The following TTC23L variants were observed in gnomAD, a reference collection of about 807,000 sequenced individuals.
TTC23L encodes the protein tetratricopeptide repeat domain 23 like.
TTC23L carries 42 observed loss-of-function variants against 48.1 expected under a neutral mutation model. The observed-to-expected ratio is 0.87, with a 90% CI of 0.68 to 1.13. The LOEUF (loss-of-function observed/expected upper bound fraction) is 1.13. TTC23L is among the 50% of genes most tolerant of loss of function. TTC23L has a pLI of 0.00. For missense variants in TTC23L, 391 were observed against 421.0 expected, an observed-to-expected ratio of 0.93 and a Z score of 0.62; for synonymous variants, 159 against 157.2, an observed-to-expected ratio of 1.01 and a Z score of -0.09.
rs1197474391 is a variant in TTC23L, at chr5:34,845,414, A to G, written c.69-73A>G. On this transcript the variant is annotated intron_variant, in intron 2 of 10. Transcript: ENST00000505624. The stretch of plus-strand genomic sequence containing the variant: ...TCCCTATCCCCTAGTTGGGAGAGCT[A>G]TGCCCTTCAATTTTACCTTGTTTGA... 8 of 1,475,902 alleles carry G rather than the reference A, an allele frequency of 5.4e-6. No homozygotes were observed. In the African/African-American group the frequency reaches 7.0e-5, roughly 13 times the overall value. The allele number at this position is 1,475,902 out of a possible 1,614,324, so 91.4% of individuals were successfully genotyped here.
intron 2 of TTC23L, among the ~76,000 whole-genome samples, chr5:34,843,100 G>A (rs1347423840): frequency 6.6e-6 from 1 of 152,154 alleles, no homozygotes; most frequent in African/African-American, 2.4e-5. Flanking sequence ...GAGCCACTGT[G>A]CCTGGCCTGG....
the TTC23L span, among the ~76,000 whole-genome samples, chr5:34,910,679 C>T: frequency 3.3e-5 from 5 of 152,178 alleles, no homozygotes; most frequent in Non-Finnish European, 4.4e-5. Context: ...CTGCCCACTT[C>T]GGCCTCCCAA....
the TTC23L span, chr5:34,914,916 AGGGATGCTCCTGG>A: frequency 1.4e-5 from 22 of 1,613,194 alleles, no homozygotes; most frequent in Non-Finnish European, 1.8e-5. Flanking sequence ...TTCGGCCCCG[AGGGATGCTCCTGG>A]GGCCAACAAC....
At chr5:34,916,184 TG>T in the TTC23L span, 6 of 301,868 alleles carry the variant, frequency 2.0e-5, no homozygotes, top group African/African-American at 8.7e-5. Flanking sequence ...GTTGTTCAGT[TG>T]TTTTTTTTTT....
intron 4 of TTC23L, among the ~76,000 whole-genome samples, chr5:34,854,824 T>G (rs2150372236): frequency 6.6e-6 from 1 of 152,286 alleles, no homozygotes; most frequent in Non-Finnish European, 1.5e-5. Context: ...CCCTCAAAGG[T>G]TTTACAACTT....
chr5:34,840,736 A>G (rs6451173), exon 2 of TTC23L: 857,518 of 1,611,332 alleles, frequency 0.53, 236,298 homozygotes, highest in African/African-American at 0.86. Context: ...TTCTGCTTCC[A>G]TATGTAAGTA....
At chr5:34,897,682 T>C (rs903254842) in intron 10 of TTC23L, among the ~76,000 whole-genome samples, 1 of 152,164 alleles carries the variant, frequency 6.6e-6, no homozygotes, top group African/African-American at 2.4e-5. Flanking sequence ...TTTGAAATGA[T>C]CAGTGATTTA....
At chr5:34,851,189 G>GT (rs1759648257) in intron 4 of TTC23L, among the ~76,000 whole-genome samples, 1 of 152,186 alleles carries the variant, frequency 6.6e-6, no homozygotes, top group Non-Finnish European at 1.5e-5. Context: ...CCTAGGGGTT[G>GT]TTCAAGTACC....
rs137953116 is a variant in TTC23L, at chr5:34,893,907, A to AAC, written c.1078-2851_1078-2850dup. On this transcript the variant is annotated intron_variant, in intron 9 of 10. Coordinates refer to ENST00000505624, the Ensembl canonical transcript of TTC23L. The stretch of plus-strand genomic sequence containing the variant: ...GAGGAAGAAATGCATATGACCAATA[A>AAC]ACACACACACACAGATTTCCAATCT... Among the ~76,000 whole-genome samples, 383 of 152,150 alleles carry AAC rather than the reference A, an allele frequency of 2.5e-3. 2 individuals are homozygous for AAC. Among genetic ancestry groups the AAC allele is most frequent in the African/African-American group, 8.5e-3 (353 of 41,522 alleles).
intron 9 of TTC23L, among the ~76,000 whole-genome samples, chr5:34,886,373 A>AC (rs1762541186): frequency 6.6e-6 from 1 of 151,804 alleles, no homozygotes; most frequent in African/African-American, 2.4e-5. Flanking sequence ...TAAAAAAAAA[A>AC]AAAAAAAAAA....
chr5:34,886,382 AAC>A (rs1554022337), intron 9 of TTC23L, among the ~76,000 whole-genome samples: 18 of 151,136 alleles, frequency 1.2e-4, no homozygotes, highest in East Asian at 7.8e-4. Context: ...AAAAAAAAAA[AAC>A]GTTTTATCCC....
downstream of TTC23L, among the ~76,000 whole-genome samples, chr5:34,902,748 T>C (rs180705474): frequency 1.6e-3 from 237 of 152,188 alleles, no homozygotes; most frequent in African/African-American, 5.5e-3. Context: ...GGTCCCACAT[T>C]GCAGACCTGG....
chr5:34,918,892 A>C, the TTC23L span: 3 of 147,728 alleles, frequency 2.0e-5, no homozygotes, highest in Non-Finnish European at 4.4e-5. Context: ...TTTAAGTTGG[A>C]GTCAGAGCCT....
chr5:34,916,071 G>A, the TTC23L span: 1 of 704,108 alleles, frequency 1.4e-6, no homozygotes, highest in Admixed American at 3.8e-5. Flanking sequence ...GCTAATCCTT[G>A]TGCACGTGGC....
chr5:34,912,985 G>A, the TTC23L span, among the ~76,000 whole-genome samples: 1 of 152,160 alleles, frequency 6.6e-6, no homozygotes, highest in African/African-American at 2.4e-5. Flanking sequence ...TGGGCAACAA[G>A]AGAGAAACTC....
At chr5:34,861,712 G>T (rs767327569) in intron 4 of TTC23L, among the ~76,000 whole-genome samples, 3 of 152,168 alleles carry the variant, frequency 2.0e-5, no homozygotes, top group Non-Finnish European at 4.4e-5. Flanking sequence ...TGTGAAACTA[G>T]GCTTCAGGAG....
intron 4 of TTC23L, among the ~76,000 whole-genome samples, chr5:34,859,722 C>T (rs1015227632): frequency 3.3e-5 from 5 of 152,152 alleles, no homozygotes; most frequent in Middle Eastern, 3.4e-3. Flanking sequence ...TTATAAATTA[C>T]CTGGTCTCAG....
At chr5:34,924,681 T>C in the TTC23L span, among the ~76,000 whole-genome samples, 1 of 152,192 alleles carries the variant, frequency 6.6e-6, no homozygotes, top group Non-Finnish European at 1.5e-5. Flanking sequence ...TAAGTACTAA[T>C]AGATTTCAGA....
intron 9 of TTC23L, among the ~76,000 whole-genome samples, chr5:34,886,278 G>T (rs1027787062): frequency 6.7e-6 from 1 of 150,226 alleles, no homozygotes; most frequent in African/African-American, 2.4e-5. Flanking sequence ...ATCCTGGTGG[G>T]TTATGTCATT....
Sources: allele counts gnomAD v4.1 joint callset (sites outside exome capture counted in the v4.1 genomes callset), GRCh38; gene constraint gnomAD v4.1.1; transcripts MANE v1.5; gene names NCBI Gene and HGNC (gene_info 2026-07-23, HGNC 2026-07-21).